The following IL31RA variants were observed in gnomAD, a reference collection of about 807,000 sequenced individuals.
IL31RA encodes the protein interleukin 31 receptor A, also known as interleukin-31 receptor subunit alpha.
A neutral mutation model predicts 83.7 loss-of-function variants in IL31RA; 66 were observed. The ratio of observed to expected loss-of-function variants is 0.79; its 90% CI spans 0.65 to 0.97. The LOEUF is 0.97. IL31RA is among the 50% of genes least tolerant of loss of function. IL31RA has a pLI of 0.00. For synonymous variants in IL31RA, 325 were observed against 329.0 expected (o/e 0.99, Z 0.13); for missense variants, 798 against 919.4 (o/e 0.87, Z 1.71).
intron 5 of IL31RA, 22 bp from the exon 6 acceptor site, chr5:55,889,948 T>G: frequency 6.2e-7 from 1 of 1,613,198 alleles, no homozygotes; most frequent in Non-Finnish European, 8.5e-7. Context: ...CATTTCAGTT[T>G]AGGATTGTCT....
At chr5:55,901,524 G>A (rs1204363466) in intron 8 of IL31RA, among the ~76,000 whole-genome samples, 1 of 151,958 alleles carries the variant, frequency 6.6e-6, no homozygotes. Flanking sequence ...CAGAGCTGTA[G>A]TGAAGATTAA....
the IL31RA span, among the ~76,000 whole-genome samples, chr5:55,845,030 C>G: frequency 6.6e-6 from 1 of 152,178 alleles, no homozygotes; most frequent in Non-Finnish European, 1.5e-5. Context: ...ACTTTTTCCA[C>G]TCACCCTTAG....
chr5:55,914,514 C>G (rs1207091803), intron 13 of IL31RA, among the ~76,000 whole-genome samples: 4 of 152,158 alleles, frequency 2.6e-5, no homozygotes, highest in African/African-American at 7.2e-5. Context: ...TGTTGTCTTT[C>G]CCAGAGGATA....
intron 4 of IL31RA, 77 bp downstream of exon 4, chr5:55,872,528 C>A: frequency 9.7e-7 from 1 of 1,029,932 alleles, no homozygotes; most frequent in Non-Finnish European, 1.5e-6. Context: ...TATCTGTGGA[C>A]TCAAAAGTAG....
At chr5:55,857,619 A>G (rs1423576) in intron 1 of IL31RA, among the ~76,000 whole-genome samples, 115,104 of 152,112 alleles carry the variant, frequency 0.76, 44,206 homozygotes, top group African/African-American at 0.83. Context: ...TGAGACTACT[A>G]TCCAGGCTTC....
Position 55,919,115 on chromosome 5 carries a change from T to G in IL31RA, c.*1995T>G, listed in dbSNP as rs1399592769. On this transcript the variant is annotated 3_prime_UTR_variant, in exon 15 of 15. Coordinates refer to ENST00000652347, the MANE Select transcript of IL31RA (RefSeq NM_139017.7). ...GCCTTTGGCAACCCCACCTTCAGAT[T>G]CATGAACATATGGGGAGATTCTAGC... 6.6e-6 allele frequency among the ~76,000 whole-genome samples: 1 copy of G among 152,110 alleles called. No homozygotes were observed. The highest frequency in any genetic ancestry group is 2.4e-5 in the African/African-American group (1 of 41,422).
At chr5:55,846,718 AC>A (rs1335425911), upstream of IL31RA, among the ~76,000 whole-genome samples, 1 of 151,996 alleles carries the variant, frequency 6.6e-6, no homozygotes, top group Non-Finnish European at 1.5e-5. Flanking sequence ...ACTCGCTTGA[AC>A]CCGGGCAAAG....
In IL31RA at chr5:55,883,191, G is replaced by C. The variant is rs777184432; in HGVS notation, c.602G>C (p.Ser201Thr). ...CGATTCAGGACAGTCAACAGTACCA[G>C]CTGGGTAAGTTATGCCATTATAATA... is the stretch of plus-strand genomic sequence containing the variant. Reference protein sequence around the residue: ...TLRFRTVNSTSWMEVNFAKNR... With the variant: ...TLRFRTVNSTTWMEVNFAKNR... The change falls in exon 5 of 15, where the codon AGC (serine) becomes ACC (threonine). Residue 201 changes from serine to threonine, a missense_variant. Ser to Thr is a moderately conservative substitution (Grantham distance 58). Coordinates refer to ENST00000652347, the MANE Select transcript of IL31RA (RefSeq NM_139017.7). 1 of 1,612,550 alleles carries C rather than the reference G, an allele frequency of 6.2e-7. No individual in the cohort carries two copies. The highest frequency in any genetic ancestry group is 1.1e-5 in the South Asian group (1 of 91,044).
intron 1 of IL31RA, among the ~76,000 whole-genome samples, chr5:55,856,474 A>G (rs950293327): frequency 1.3e-5 from 2 of 152,242 alleles, no homozygotes; most frequent in African/African-American, 2.4e-5. Context: ...AGAGCACAGC[A>G]GAATCTTTGG....
chr5:55,883,014 A>G (rs1424664871), intron 4 of IL31RA, 30 bp from the exon 5 acceptor site: 1 of 1,610,164 alleles, frequency 6.2e-7, no homozygotes, highest in South Asian at 1.1e-5. Context: ...CTTTTTGCAG[A>G]TATGAGAGTT....
chr5:55,863,107 T>C (rs1323750352), intron 2 of IL31RA, among the ~76,000 whole-genome samples: 2 of 152,136 alleles, frequency 1.3e-5, no homozygotes, highest in African/African-American at 4.8e-5. Context: ...CTGGAAAAGG[T>C]AAAGAAAATC....
intron 4 of IL31RA, among the ~76,000 whole-genome samples, chr5:55,873,708 G>A (rs1053681987): frequency 6.6e-6 from 1 of 151,992 alleles, no homozygotes; most frequent in Non-Finnish European, 1.5e-5. Context: ...CTTCTCTGGA[G>A]AAATGCTTAT....
chr5:55,897,996 C>G (rs905915282), intron 7 of IL31RA, among the ~76,000 whole-genome samples: 3 of 152,200 alleles, frequency 2.0e-5, no homozygotes, highest in African/African-American at 4.8e-5. Flanking sequence ...CCCACTCCCT[C>G]CACACCCGCA....
At chr5:55,907,579 T>G in intron 10 of IL31RA, 119 bp downstream of exon 10, 1 of 740,752 alleles carries the variant, frequency 1.3e-6, no homozygotes, top group Non-Finnish European at 2.5e-6. Context: ...TTGTGCTTCA[T>G]CTTGTAGTGA....
rs967584532 is a variant in IL31RA at position 55,917,809 on chromosome 5, C to T, written c.*689C>T. On this transcript the variant is annotated 3_prime_UTR_variant, in exon 15 of 15. Transcript: ENST00000652347. ...GAGGGCCCTGGGGAATGTATGCTGC[C>T]GGGCGCAGCTCTGTCCAGTCTCCAG... Among the ~76,000 whole-genome samples, 6 of 152,252 alleles carry T rather than the reference C, an allele frequency of 3.9e-5. No homozygotes were observed. Among genetic ancestry groups the T allele is most frequent in the East Asian group, 3.9e-4 (2 of 5,180 alleles).
chr5:55,896,505 C>G, intron 7 of IL31RA, 76 bp downstream of exon 7: 3 of 843,414 alleles, frequency 3.6e-6, no homozygotes, highest in Non-Finnish European at 6.0e-6. Context: ...CCCTTCCCTC[C>G]CTTCCATCCC....
At chr5:55,851,308 C>T, upstream of IL31RA, 1 of 544,202 alleles carries the variant, frequency 1.8e-6, no homozygotes. Context: ...AGTACTATGA[C>T]TCATGCCTGA....
intron 5 of IL31RA, among the ~76,000 whole-genome samples, chr5:55,888,712 C>A (rs551464784): frequency 6.6e-6 from 1 of 152,264 alleles, no homozygotes; most frequent in South Asian, 2.1e-4. Flanking sequence ...TCTCAAGTTA[C>A]TCTCTCCACA....
At chr5:55,856,383 G>A (rs1745366030) in intron 1 of IL31RA, among the ~76,000 whole-genome samples, 1 of 152,130 alleles carries the variant, frequency 6.6e-6, no homozygotes, top group African/African-American at 2.4e-5. Flanking sequence ...CCTTTTTGAA[G>A]ACCAGTTATT....
Sources: allele counts gnomAD v4.1 joint callset (sites outside exome capture counted in the v4.1 genomes callset), GRCh38; gene constraint gnomAD v4.1.1; transcripts MANE v1.5; gene names NCBI Gene and HGNC (gene_info 2026-07-23, HGNC 2026-07-21).